The following SMAD3 variants were observed in gnomAD, a reference collection of about 807,000 sequenced individuals.
SMAD3 encodes the protein SMAD family member 3, also known as MAD homolog 3.
In SMAD3, 12 loss-of-function variants were observed where a neutral mutation model predicts 51.8. The observed-to-expected ratio is 0.23, with a 90% CI of 0.15 to 0.38. The LOEUF (loss-of-function observed/expected upper bound fraction) is 0.38, where lower values mean the gene tolerates loss of function less well. SMAD3 is among the 10% of genes least tolerant of loss of function. SMAD3 has a pLI of 1.00. For synonymous variants in SMAD3, 238 were observed against 227.7 expected, an observed-to-expected ratio of 1.05 and a Z score of -0.41; for missense variants, 294 against 565.6, an observed-to-expected ratio of 0.52 and a Z score of 4.87.
Position 67,065,719 on chromosome 15 carries a change from C to T in SMAD3, c.-436C>T. On this transcript the variant is annotated 5_prime_UTR_variant, in exon 1 of 9. Coordinates refer to ENST00000327367, the MANE Select transcript of SMAD3 (RefSeq NM_005902.4). ...GGAGGGTGGCGGGGCGGTGAGGCCG[C>T]AGAGGCGGAGGGATCTGCGCATCAA... 1 of 199,562 alleles carries T rather than the reference C, an allele frequency of 5.0e-6. No individual in the cohort carries two copies. The highest frequency in any genetic ancestry group is 1.0e-5 in the Non-Finnish European group (1 of 96,488). The allele number at this position is 199,562 out of a possible 1,614,324, so 12.4% of individuals were successfully genotyped here. A position where few individuals can be genotyped will look rare whatever the true frequency, so the allele number is the denominator to read the frequency against.
intron 1 of SMAD3, among the ~76,000 whole-genome samples, chr15:67,121,367 G>A (rs1166909192): frequency 1.3e-5 from 2 of 152,196 alleles, no homozygotes; most frequent in South Asian, 2.1e-4. Context: ...TGAGGGCATC[G>A]TGGGTGGCTC....
At chr15:67,153,427 T>C (rs1189711708) in intron 1 of SMAD3, among the ~76,000 whole-genome samples, 1 of 139,258 alleles carries the variant, frequency 7.2e-6, no homozygotes, top group Non-Finnish European at 1.5e-5. Flanking sequence ...GAGGTTGCAG[T>C]GAGCCAAGAT....
intron 1 of SMAD3, among the ~76,000 whole-genome samples, chr15:67,076,823 C>T (rs1960181018): frequency 6.6e-6 from 1 of 152,202 alleles, no homozygotes; most frequent in African/African-American, 2.4e-5. Context: ...TTCCCCAGGT[C>T]TGTTTTACTT....
rs982036586 is a variant in SMAD3, at chr15:67,066,319, C to T, written c.165C>T (p.Ile55=). The T allele has an allele frequency of 3.7e-6, 6 of 1,613,516 alleles. No individual in the cohort carries two copies. The African/African-American group carries it at 5.3e-5, about 14-fold the overall frequency. ...AGCTGGACGAGCTGGAGAAGGCCAT[C>T]ACCACGCAGAACGTCAACACCAAGT... ...TGQLDELEKA[I]TTQNVNTKCI... The change falls in exon 1 of 9, where the codon ATC becomes ATT. Residue 55 remains isoleucine, a synonymous_variant. Transcript: ENST00000327367.
At chr15:67,152,347 A>G (rs1237555782) in intron 1 of SMAD3, among the ~76,000 whole-genome samples, 1 of 101,324 alleles carries the variant, frequency 9.9e-6, no homozygotes, top group Non-Finnish European at 2.0e-5. Context: ...TTGATTCCCC[A>G]AAGTAGTTTG....
At chr15:67,131,607 C>T (rs745692692) in intron 1 of SMAD3, among the ~76,000 whole-genome samples, 2 of 152,158 alleles carry the variant, frequency 1.3e-5, no homozygotes, top group African/African-American at 2.4e-5. Flanking sequence ...AACTGATGCT[C>T]AGAGACTTGG....
chr15:67,169,509 A>T (rs1250614572), intron 4 of SMAD3, among the ~76,000 whole-genome samples: 1 of 152,020 alleles, frequency 6.6e-6, no homozygotes, highest in Non-Finnish European at 1.5e-5. Context: ...ATTTTTTGAA[A>T]CAGTCTCACT....
chr15:67,172,675 G>A (rs1264799881), intron 5 of SMAD3, among the ~76,000 whole-genome samples: 3 of 152,168 alleles, frequency 2.0e-5, no homozygotes, highest in Non-Finnish European at 4.4e-5. Flanking sequence ...TTAGGAAACC[G>A]GGGAACACAT....
chr15:67,089,640 G>T (rs138566155), intron 1 of SMAD3, among the ~76,000 whole-genome samples: 10 of 152,132 alleles, frequency 6.6e-5, no homozygotes, highest in Admixed American at 6.5e-4. Flanking sequence ...TGCTCTCCTC[G>T]TGTCCCTCAG....
intron 7 of SMAD3, 48 bp from the exon 8 acceptor site, chr15:67,187,317 G>T: frequency 6.2e-7 from 1 of 1,613,470 alleles, no homozygotes; most frequent in South Asian, 1.1e-5. Context: ...GGGAGCAACG[G>T]ACCTGGCCAC....
chr15:67,081,031 C>T (rs1595888735), intron 1 of SMAD3, among the ~76,000 whole-genome samples: 1 of 152,212 alleles, frequency 6.6e-6, no homozygotes, highest in African/African-American at 2.4e-5. Context: ...CAGAGAGGAA[C>T]GGTTTCAGCC....
chr15:67,113,943 A>G (rs1007186444), intron 1 of SMAD3, among the ~76,000 whole-genome samples: 1 of 152,208 alleles, frequency 6.6e-6, no homozygotes, highest in African/African-American at 2.4e-5. Flanking sequence ...GGGAATGTTT[A>G]TTACATTCTT....
intron 1 of SMAD3, among the ~76,000 whole-genome samples, chr15:67,136,240 T>C (rs1195027872): frequency 1.3e-5 from 2 of 152,330 alleles, no homozygotes; most frequent in South Asian, 4.1e-4. Flanking sequence ...CCTGCATAAT[T>C]GCAGATACAT....
chr15:67,080,522 A>G (rs1044188562), intron 1 of SMAD3, among the ~76,000 whole-genome samples: 13 of 152,272 alleles, frequency 8.5e-5, no homozygotes, highest in African/African-American at 2.4e-4. Context: ...GGCCCAGTGC[A>G]ACTTGGATGA....
chr15:67,176,076 G>A (rs1962885687), intron 5 of SMAD3, among the ~76,000 whole-genome samples: 1 of 152,210 alleles, frequency 6.6e-6, no homozygotes, highest in African/African-American at 2.4e-5. Context: ...GGGGGTCTCT[G>A]TGCAGCTTGG....
intron 1 of SMAD3, among the ~76,000 whole-genome samples, chr15:67,093,315 C>A (rs535026233): frequency 6.6e-6 from 1 of 152,234 alleles, no homozygotes; most frequent in South Asian, 2.1e-4. Flanking sequence ...CCTTAGCGGG[C>A]CTGTGAATAT....
Position 67,077,061 on chromosome 15 carries a change from A to G in SMAD3, c.206+10701A>G, listed in dbSNP as rs189089851. Among the ~76,000 whole-genome samples the G allele has an allele frequency of 8.5e-5, 13 of 152,320 alleles. No homozygotes were observed. The East Asian group carries it at 2.5e-3, about 29-fold the overall frequency. On this transcript the variant is annotated intron_variant, in intron 1 of 8. Transcript: ENST00000327367. ...CATTCCATTGTGAAACCAAGAGGTC[A>G]GGGAATCCTAAACTCAAACCTGGAC...
At chr15:67,099,023 CTG>C (rs1471881755) in intron 1 of SMAD3, 2 of 695,234 alleles carry the variant, frequency 2.9e-6, no homozygotes, top group Non-Finnish European at 5.2e-6. Context: ...AGGATCAACT[CTG>C]TGAGTACCCA....
At chr15:67,151,428 G>GCTCAAGCGA (rs1194123352) in intron 1 of SMAD3, among the ~76,000 whole-genome samples, 1 of 152,082 alleles carries the variant, frequency 6.6e-6, no homozygotes, top group African/African-American at 2.4e-5. Context: ...CACCTCCTGG[G>GCTCAAGCGA]TTCAAGCGAT....
Sources: gnomAD v4.1 joint callset for allele counts (sites outside exome capture counted in the v4.1 genomes callset) on GRCh38, gnomAD v4.1.1 for gene constraint, MANE v1.5 for transcripts, NCBI Gene and HGNC (gene_info 2026-07-23, HGNC 2026-07-21) for gene names.